The following SLC6A4 variants were observed in gnomAD, a reference collection of about 807,000 sequenced individuals.
SLC6A4 encodes sodium-dependent serotonin transporter.
SLC6A4 carries 22 observed loss-of-function variants against 73.4 expected under a neutral mutation model. That is an observed-to-expected ratio of 0.30 (90% CI 0.21 to 0.43). SLC6A4 has a LOEUF of 0.43. Ranked by LOEUF, SLC6A4 falls within the 20% of genes least tolerant of loss-of-function variation. The pLI, the probability that SLC6A4 is intolerant of heterozygous loss-of-function variation, is 1.00. For synonymous variants in SLC6A4, 270 were observed against 315.5 expected (o/e 0.86, Z 1.53); for missense variants, 593 against 808.5 (o/e 0.73, Z 3.23).
At chr17:30,214,421 T>TCA (rs1906485709) in intron 8 of SLC6A4, among the ~76,000 whole-genome samples, 1 of 7,584 alleles carries the variant, frequency 1.3e-4, no homozygotes, top group Non-Finnish European at 3.3e-4. Context: ...AAACTCCGTC[T>TCA]CAAAAAAAAA....
In SLC6A4 at chr17:30,232,845, G is replaced by A. The variant is rs56347414; in HGVS notation, c.-221+2768C>T. 6.6e-3 allele frequency among the ~76,000 whole-genome samples: 1,001 copies of A among 152,300 alleles called. 14 individuals carry two copies. Among genetic ancestry groups the A allele is most frequent in the African/African-American group, 0.023 (955 of 41,550 alleles). ...TGAAGGGAGCAGCCCCTGCAGAGAC[G>A]TTTCTCACAGGGCAACATTTCTGAA... On this transcript the variant is annotated intron_variant, in intron 1 of 14. Transcript: ENST00000650711.
intron 1 of SLC6A4, among the ~76,000 whole-genome samples, chr17:30,232,147 T>C (rs1337402223): frequency 6.6e-6 from 1 of 152,246 alleles, no homozygotes; most frequent in Non-Finnish European, 1.5e-5. Context: ...TCTTTTTTCC[T>C]GTATACACAC....
intron 8 of SLC6A4, among the ~76,000 whole-genome samples, chr17:30,214,301 C>A (rs1001757683): frequency 1.3e-5 from 2 of 150,804 alleles, no homozygotes; most frequent in Non-Finnish European, 3.0e-5. Context: ...GCATGCCTGT[C>A]ATCCCAGCTA....
At chr17:30,204,479 G>C (rs1906128468) in intron 13 of SLC6A4, 1 of 152,046 alleles carries the variant, frequency 6.6e-6, no homozygotes, top group Admixed American at 6.5e-5. Flanking sequence ...GATGGTTTGG[G>C]AACAGGGAAA....
At chr17:30,215,296 G>C (rs1006029041) in intron 8 of SLC6A4, among the ~76,000 whole-genome samples, 1 of 152,190 alleles carries the variant, frequency 6.6e-6, no homozygotes, top group Non-Finnish European at 1.5e-5. Flanking sequence ...ACCTGCCTTG[G>C]CCTCCCAAAG....
At position 30,218,234 on chromosome 17, in the gene SLC6A4, C is replaced by T; in HGVS notation, c.582G>A (p.Gln194=). 10 of 1,614,190 alleles carry T rather than the reference C, an allele frequency of 6.2e-6. No homozygotes were observed. The highest frequency in any genetic ancestry group is 8.5e-6 in the Non-Finnish European group (10 of 1,180,030). ...LYYLISSFTD[Q]LPWTSCKNSW... The stretch of plus-strand genomic sequence containing the variant: ...AGTTCTTGCAGCTGGTCCAGGGCAG[C>T]TGGTCCGTGAAGGAGGAGATGAGGT... The change falls in exon 5 of 15, where the codon CAG becomes CAA. Residue 194 remains glutamine, a synonymous_variant. Coordinates refer to ENST00000650711, the MANE Select transcript of SLC6A4 (RefSeq NM_001045.6).
chr17:30,216,867 G>A (rs1597640350), intron 6 of SLC6A4, among the ~76,000 whole-genome samples: 1 of 118,984 alleles, frequency 8.4e-6, no homozygotes, highest in Non-Finnish European at 1.9e-5. Flanking sequence ...TTGTTTGTTT[G>A]TTTGTTTGTT....
intron 12 of SLC6A4, among the ~76,000 whole-genome samples, chr17:30,208,033 T>C (rs1165709314): frequency 6.6e-6 from 1 of 152,152 alleles, no homozygotes; most frequent in African/African-American, 2.4e-5. Flanking sequence ...GACAACAATC[T>C]GGTCCGAAAG....
chr17:30,220,128 G>C lies in SLC6A4; in HGVS notation c.344-1197C>G, dbSNP rs55677306. On this transcript the variant is annotated intron_variant, in intron 3 of 14. Coordinates refer to ENST00000650711, the MANE Select transcript of SLC6A4 (RefSeq NM_001045.6). The stretch of plus-strand genomic sequence containing the variant: ...CCAGGGGCCCCCTGGAACTACCTTT[G>C]CAACTACATGGACAGAAATCTTTAA... 1.2e-4 allele frequency among the ~76,000 whole-genome samples: 18 copies of C among 152,234 alleles called. No individual in the cohort carries two copies. The East Asian group carries it at 2.7e-3, about 23-fold the overall frequency.
intron 3 of SLC6A4, among the ~76,000 whole-genome samples, chr17:30,220,002 C>A (rs1213099439): frequency 6.6e-6 from 1 of 152,134 alleles, no homozygotes; most frequent in East Asian, 1.9e-4. Context: ...CACCAGTGAC[C>A]CAGCCCCTTA....
In SLC6A4 at chr17:30,216,341, T is replaced by G. The variant is rs532697059; in HGVS notation, c.838-125A>C. On this transcript the variant is annotated intron_variant, in intron 6 of 14. Coordinates refer to ENST00000650711, the MANE Select transcript of SLC6A4 (RefSeq NM_001045.6). ...GGTGGGTGAATGGATGTCAGTGTCT[T>G]TTATTCTTGAAGACCTTGAGAAAGG... 6.7e-4 allele frequency: 386 copies of G among 579,708 alleles called. 5 individuals are homozygous for G. The highest frequency in any genetic ancestry group is 6.6e-3 in the South Asian group (292 of 44,322). The allele number at this position is 579,708 out of a possible 1,614,324, so 35.9% of individuals were successfully genotyped here. A position where few individuals can be genotyped will look rare whatever the true frequency, so the allele number is the denominator to read the frequency against.
intron 12 of SLC6A4, 75 bp downstream of exon 12, chr17:30,209,068 G>C: frequency 1.0e-6 from 1 of 999,116 alleles, no homozygotes; most frequent in Non-Finnish European, 1.5e-6. Flanking sequence ...AGCCTTTTTT[G>C]GTGAAATCAG....
At position 30,211,371 on chromosome 17, in the gene SLC6A4, ACGCTGG is replaced by A; in HGVS notation, c.1252_1257del (p.Pro418_Ala419del). On this transcript the variant is annotated inframe_deletion, in exon 10 of 15. Transcript: ENST00000650711. The surrounding 1 kb of genome is among the most constrained non-coding windows in gnomAD (Gnocchi z 4.0). ...AAGAAGATGATGGCAAAGAAAGTGG[ACGCTGG>A]CATGTTGGCTATCGCTTCTGCATAC... 6.2e-7 allele frequency: 1 copy of A among 1,613,908 alleles called. No individual in the cohort carries two copies. The highest frequency in any genetic ancestry group is 1.1e-5 in the South Asian group (1 of 91,070).
rs1353798817 is a variant in SLC6A4 at position 30,230,083 on chromosome 17, AGAAGAAGAAGAAGAG to A, written c.-221+5515_-221+5529del. Among the ~76,000 whole-genome samples, 220 of 127,074 alleles carry A rather than the reference AGAAGAAGAAGAAGAG, an allele frequency of 1.7e-3. 4 individuals carry two copies. The highest frequency in any genetic ancestry group is 5.3e-3 in the African/African-American group (136 of 25,508). 83.4% of individuals were successfully genotyped at this position (127,074 alleles called of 152,430 possible). ...AAGAAGAAGAAGAAGAAGAAGAAGA[AGAAGAAGAAGAAGAG>A]GAGGAAGAGGAAGAGGAAGAGGAAG... On this transcript the variant is annotated intron_variant, in intron 1 of 14. Transcript: ENST00000650711.
rs561241686 is a variant in SLC6A4 at position 30,208,668 on chromosome 17, AGTG to A, written c.1549+472_1549+474del. ...ATATGTGTAACAAATAACATGCAAA[AGTG>A]GTTTATTTTTGTTTGTTTTTGGGTT... On this transcript the variant is annotated intron_variant, in intron 12 of 14. Coordinates refer to ENST00000650711, the MANE Select transcript of SLC6A4 (RefSeq NM_001045.6). Among the ~76,000 whole-genome samples, 658 of 152,218 alleles carry A rather than the reference AGTG, an allele frequency of 4.3e-3. 4 individuals carry two copies. Among genetic ancestry groups the A allele is most frequent in the African/African-American group, 0.015 (621 of 41,536 alleles).
At position 30,207,836 on chromosome 17, in the gene SLC6A4, G is replaced by A. The variant is rs1420797174; in HGVS notation, c.1550-4C>T. Reference sequence around the variant, plus strand: ...TCCCTGCAGAACTGAGTGATGCCTGGAACCGCCCAAGGGGAAGAGAGGCAG... The same window carrying A: ...TCCCTGCAGAACTGAGTGATGCCTGAAACCGCCCAAGGGGAAGAGAGGCAG... On this transcript the variant is annotated splice_polypyrimidine_tract_variant and splice_region_variant and intron_variant, in intron 12 of 14. Transcript: ENST00000650711. The A allele has an allele frequency of 1.9e-6, 3 of 1,611,422 alleles. No homozygotes were observed. The highest frequency in any genetic ancestry group is 2.5e-6 in the Non-Finnish European group (3 of 1,177,828).
chr17:30,207,488 A>C (rs930375251), intron 13 of SLC6A4, among the ~76,000 whole-genome samples: 7 of 152,028 alleles, frequency 4.6e-5, no homozygotes, highest in African/African-American at 1.7e-4. Flanking sequence ...CCTGGGTTCA[A>C]GCCATTCTCC....
Position 30,218,161 on chromosome 17 carries a change from T to C in SLC6A4, c.655A>G (p.Thr219Ala). Residue 219 changes from threonine (T) to alanine (A), a missense_variant, in exon 5 of 15, where the codon ACC becomes GCC. Physicochemically the swap from Thr to Ala is moderately conservative, Grantham distance 58. Transcript: ENST00000650711. The part of the protein sequence containing the change: ...CTNYFSEDNI[T>A]WTLHSTSPAE... ...GGGGACGTGGAATGGAGGGTCCAGG[T>C]GATGTTGTCCTCGGAGAAGTAATTG... 1 of 1,614,106 alleles carries C rather than the reference T, an allele frequency of 6.2e-7. No individual in the cohort carries two copies. The highest frequency in any genetic ancestry group is 8.5e-7 in the Non-Finnish European group (1 of 1,180,014).
chr17:30,234,962 T>TAC (rs1446670460), intron 1 of SLC6A4, among the ~76,000 whole-genome samples: 1 of 152,062 alleles, frequency 6.6e-6, no homozygotes, highest in Non-Finnish European at 1.5e-5. Flanking sequence ...AGTTTGAATG[T>TAC]ACACAATTTT....
Sources: gnomAD v4.1 joint callset for allele counts (sites outside exome capture counted in the v4.1 genomes callset) on GRCh38, gnomAD v4.1.1 for gene constraint, Gnocchi (gnomAD v3.1) non-coding constraint, MANE v1.5 for transcripts, NCBI Gene and HGNC (gene_info 2026-07-23, HGNC 2026-07-21) for gene names.